GPRASP3: variants seen among roughly 807,000 people sequenced by gnomAD.
GPRASP3 encodes G protein-coupled receptor associated sorting protein 3.
the GPRASP3 span, among the ~76,000 whole-genome samples, chrX:102,748,238 C>G: frequency 1.8e-5 from 2 of 110,867 alleles, no homozygotes; most frequent in Non-Finnish European, 3.8e-5. Context: ...CTCAGAACTC[C>G]AATCCCATCT....
chrX:102,740,294 CAG>C, the GPRASP3 span, among the ~76,000 whole-genome samples: 2 of 110,879 alleles, frequency 1.8e-5, no homozygotes, highest in Non-Finnish European at 3.8e-5. Context: ...GAGAGACTGA[CAG>C]AGAGAGAGAG....
the GPRASP3 span, chrX:102,751,503 T>G: frequency 1.6e-5 from 2 of 123,510 alleles, no homozygotes; most frequent in African/African-American, 3.2e-5. Flanking sequence ...CATAGCTGTT[T>G]TGTCTGACAC....
the GPRASP3 span, among the ~76,000 whole-genome samples, chrX:102,731,179 C>G: frequency 8.8e-6 from 1 of 112,997 alleles, no homozygotes; most frequent in Non-Finnish European, 1.9e-5. Context: ...AGTGTTACCA[C>G]TGGAAGGTAT....
the GPRASP3 span, among the ~76,000 whole-genome samples, chrX:102,737,175 T>C: frequency 0.016 from 1,803 of 112,538 alleles, 33 homozygotes; most frequent in Non-Finnish European, 0.024. Context: ...CTTTTAAATG[T>C]ATGTATAGCT....
chrX:102,732,787 A>G, the GPRASP3 span, among the ~76,000 whole-genome samples: 2 of 112,045 alleles, frequency 1.8e-5, no homozygotes, highest in Non-Finnish European at 3.8e-5. Flanking sequence ...ACTCTGTTCC[A>G]TAAGTAATCT....
chrX:102,732,102 T>TG, the GPRASP3 span, among the ~76,000 whole-genome samples: 2 of 111,482 alleles, frequency 1.8e-5, no homozygotes, highest in Non-Finnish European at 3.8e-5. Flanking sequence ...TCCTAGTGGG[T>TG]GGGGGGAGAG....
At chrX:102,749,650 A>G in the GPRASP3 span, 23 of 1,209,839 alleles carry the variant, frequency 1.9e-5, no homozygotes, top group Admixed American at 1.3e-4. Flanking sequence ...TGAGGTAACT[A>G]TCTGGCCCAA....
chrX:102,727,224 TC>T, the GPRASP3 span, among the ~76,000 whole-genome samples: 1 of 112,886 alleles, frequency 8.9e-6, no homozygotes, highest in East Asian at 2.8e-4. Flanking sequence ...TCAGCTTTTT[TC>T]CGTCTCTTTC....
the GPRASP3 span, chrX:102,746,114 G>C: frequency 9.0e-6 from 1 of 111,616 alleles, no homozygotes; most frequent in Non-Finnish European, 1.9e-5. Flanking sequence ...GTGAGGAGCC[G>C]CCAGAGGAGA....
chrX:102,747,426 G>A, the GPRASP3 span, among the ~76,000 whole-genome samples: 1 of 111,934 alleles, frequency 8.9e-6, no homozygotes, highest in Admixed American at 9.4e-5. Flanking sequence ...GGCTGACATA[G>A]GTGGTGAATA....
chrX:102,732,639 AT>A, the GPRASP3 span, among the ~76,000 whole-genome samples: 2 of 112,086 alleles, frequency 1.8e-5, no homozygotes, highest in African/African-American at 6.5e-5. Context: ...AGTCCTCGTG[AT>A]TTTTTTAAAA....
chrX:102,725,194 T>C, the GPRASP3 span, among the ~76,000 whole-genome samples: 1 of 112,098 alleles, frequency 8.9e-6, no homozygotes, highest in South Asian at 3.7e-4. Flanking sequence ...TAGAATGAAA[T>C]GAAGAAAGAA....
At chrX:102,731,671 G>A in the GPRASP3 span, among the ~76,000 whole-genome samples, 1 of 110,426 alleles carries the variant, frequency 9.1e-6, no homozygotes, top group African/African-American at 3.3e-5. Flanking sequence ...AGAAAGGGGA[G>A]TACGCTTGGA....
chrX:102,724,774 T>A, the GPRASP3 span, among the ~76,000 whole-genome samples: 11 of 108,614 alleles, frequency 1.0e-4, no homozygotes, highest in Non-Finnish European at 1.7e-4. Flanking sequence ...AAATGATGAT[T>A]GCCTTTGTTC....
At chrX:102,728,937 C>G in the GPRASP3 span, among the ~76,000 whole-genome samples, 7 of 112,001 alleles carry the variant, frequency 6.2e-5, no homozygotes, top group African/African-American at 2.3e-4. Flanking sequence ...ATTCTGAAGG[C>G]AAATCCAGAG....
chrX:102,747,622 T>G, the GPRASP3 span: 2 of 112,292 alleles, frequency 1.8e-5, no homozygotes, highest in Non-Finnish European at 3.8e-5. Flanking sequence ...AATGACTGAC[T>G]TCAAAGTTGG....
At chrX:102,743,247 A>G in the GPRASP3 span, among the ~76,000 whole-genome samples, 6 of 110,097 alleles carry the variant, frequency 5.4e-5, no homozygotes, top group Non-Finnish European at 1.1e-4. Context: ...ATTTGCCCTA[A>G]GCAGTTCCCA....
chrX:102,736,178 A>G, the GPRASP3 span, among the ~76,000 whole-genome samples: 2 of 112,492 alleles, frequency 1.8e-5, no homozygotes, highest in Admixed American at 9.4e-5. Context: ...TCTGACTTGC[A>G]TAATTTAGAC....
At chrX:102,726,856 T>C in the GPRASP3 span, among the ~76,000 whole-genome samples, 11 of 112,809 alleles carry the variant, frequency 9.8e-5, no homozygotes, top group Admixed American at 1.9e-4. Flanking sequence ...ACCTCCTAGA[T>C]AAGTCAGAGT....
Sources: allele counts gnomAD v4.1 joint callset (sites outside exome capture counted in the v4.1 genomes callset), GRCh38; gene constraint gnomAD v4.1.1; transcripts MANE v1.5; gene names NCBI Gene and HGNC (gene_info 2026-07-23, HGNC 2026-07-21).